The following WWOX variants were observed in gnomAD, a reference collection of about 807,000 sequenced individuals.
WWOX encodes WW domain containing oxidoreductase.
WWOX carries 69 observed loss-of-function variants against 46.2 expected under a neutral mutation model. The observed-to-expected ratio is 1.49, with a 90% CI of 1.23 to 1.82. The LOEUF (loss-of-function observed/expected upper bound fraction) is 1.82. Ranked by LOEUF, WWOX falls within the 40% of genes most tolerant of loss-of-function variation. The pLI, the probability that WWOX is intolerant of heterozygous loss-of-function variation, is 0.00. For synonymous variants in WWOX, 359 were observed against 202.6 expected, an observed-to-expected ratio of 1.77 and a Z score of -6.56; for missense variants, 919 against 542.6, an observed-to-expected ratio of 1.69 and a Z score of -6.89.
intron 8 of WWOX, among the ~76,000 whole-genome samples, chr16:79,174,474 C>T (rs1177919511): frequency 2.6e-5 from 4 of 152,120 alleles, no homozygotes; most frequent in African/African-American, 4.8e-5. Flanking sequence ...CATAGTGAAA[C>T]CCCGTCTCTA....
rs148664229 is a variant in WWOX at position 78,928,105 on chromosome 16, G to T, written c.1057-283503G>T. Among the ~76,000 whole-genome samples the T allele has an allele frequency of 1.3e-5, 2 of 151,758 alleles. 1 individual carries two copies. Among genetic ancestry groups the T allele is most frequent in the South Asian group, 4.2e-4 (2 of 4,818 alleles). On this transcript the variant is annotated intron_variant, in intron 8 of 8. Coordinates refer to ENST00000566780, the MANE Select transcript of WWOX (RefSeq NM_016373.4). The stretch of plus-strand genomic sequence containing the variant: ...CCTGGACTTCAAAAGCCTTTTGTCC[G>T]TATGTATTTACATAATGTATTCTCC...
At chr16:79,030,951 G>T (rs2047740442) in intron 8 of WWOX, among the ~76,000 whole-genome samples, 1 of 151,952 alleles carries the variant, frequency 6.6e-6, no homozygotes, top group South Asian at 2.1e-4. Context: ...AATTGGCTGG[G>T]TATGGTGGCA....
At chr16:78,281,417 T>A (rs1241141698) in intron 5 of WWOX, among the ~76,000 whole-genome samples, 1 of 152,180 alleles carries the variant, frequency 6.6e-6, no homozygotes. Flanking sequence ...TTTTAGTAGA[T>A]CAGGAGTTTC....
chr16:78,545,491 G>T (rs750019514), intron 8 of WWOX, among the ~76,000 whole-genome samples: 7 of 152,134 alleles, frequency 4.6e-5, no homozygotes, highest in Non-Finnish European at 8.8e-5. Context: ...TAGCTGGGAC[G>T]ACAGGTGCCT....
intron 5 of WWOX, among the ~76,000 whole-genome samples, chr16:78,364,655 G>GATCTTT (rs74276285): frequency 0.17 from 23,377 of 141,028 alleles, 2,418 homozygotes; most frequent in African/African-American, 0.37. Context: ...GTTTGTGGGT[G>GATCTTT]CTCTTTCTCT....
intron 8 of WWOX, among the ~76,000 whole-genome samples, chr16:78,689,968 C>A (rs928378325): frequency 1.3e-5 from 2 of 152,060 alleles, no homozygotes; most frequent in African/African-American, 4.8e-5. Flanking sequence ...TCAAATGATT[C>A]TCCTACCTCA....
At chr16:78,654,898 TG>T (rs2047047500) in intron 8 of WWOX, among the ~76,000 whole-genome samples, 1 of 152,152 alleles carries the variant, frequency 6.6e-6, no homozygotes, top group Non-Finnish European at 1.5e-5. Flanking sequence ...GATGCATATG[TG>T]TATGTGTGTG....
At chr16:78,540,240 GAA>G (rs543785112) in intron 8 of WWOX, among the ~76,000 whole-genome samples, 40 of 136,706 alleles carry the variant, frequency 2.9e-4, no homozygotes, top group African/African-American at 9.7e-4. Context: ...AGGAGCAACA[GAA>G]AAAAAAAAAA....
intron 6 of WWOX, among the ~76,000 whole-genome samples, chr16:78,408,094 C>T (rs1466379485): frequency 6.6e-6 from 1 of 152,128 alleles, no homozygotes; most frequent in African/African-American, 2.4e-5. Context: ...GAGCCGGTCC[C>T]TGTTGAAACC....
Position 78,614,605 on chromosome 16 carries a change from G to C in WWOX, c.1056+181853G>C, listed in dbSNP as rs535445647. Among the ~76,000 whole-genome samples the C allele has an allele frequency of 7.9e-4, 121 of 152,282 alleles. 2 individuals are homozygous for C. The South Asian group carries it at 0.025, about 31-fold the overall frequency. On this transcript the variant is annotated intron_variant, in intron 8 of 8. Transcript: ENST00000566780. ...TTCAGGGGAATGTGTGGGTCTTTGA[G>C]CTAGAGAGACATAGGTGTATGGCAG...
At chr16:78,363,702 A>G (rs756105964) in intron 5 of WWOX, among the ~76,000 whole-genome samples, 10 of 152,102 alleles carry the variant, frequency 6.6e-5, no homozygotes, top group African/African-American at 2.4e-4. Flanking sequence ...ACCTTCCTAT[A>G]TTTGCCAACC....
intron 8 of WWOX, among the ~76,000 whole-genome samples, chr16:78,993,773 G>A (rs1432505289): frequency 6.6e-6 from 1 of 152,236 alleles, no homozygotes; most frequent in African/African-American, 2.4e-5. Context: ...CATGGCCTGA[G>A]TCCGGGGGTG....
intron 8 of WWOX, among the ~76,000 whole-genome samples, chr16:79,189,795 TG>T (rs1274458749): frequency 6.6e-6 from 1 of 150,994 alleles, no homozygotes; most frequent in African/African-American, 2.4e-5. Context: ...CTGCTCCCGG[TG>T]GGAGGGGGGG....
chr16:78,952,021 A>C (rs2046070474), intron 8 of WWOX, among the ~76,000 whole-genome samples: 1 of 152,120 alleles, frequency 6.6e-6, no homozygotes, highest in Non-Finnish European at 1.5e-5. Context: ...AAACCACAGC[A>C]ATGATTTTAT....
chr16:78,798,086 G>A (rs922984799), intron 8 of WWOX, among the ~76,000 whole-genome samples: 2 of 152,184 alleles, frequency 1.3e-5, no homozygotes, highest in Admixed American at 6.5e-5. Context: ...GGAAGCTGAG[G>A]TTCAGAGAGA....
intron 8 of WWOX, among the ~76,000 whole-genome samples, chr16:78,456,037 G>A (rs568067990): frequency 2.4e-4 from 36 of 152,254 alleles, no homozygotes; most frequent in South Asian, 6.2e-4. Flanking sequence ...TGTTACTACC[G>A]AAGGAGCTTA....
chr16:78,142,319 G>T (rs1253938399), intron 4 of WWOX, among the ~76,000 whole-genome samples: 1 of 152,168 alleles, frequency 6.6e-6, no homozygotes, highest in Non-Finnish European at 1.5e-5. Flanking sequence ...AAAAACTAAT[G>T]TTGGTTTACT....
intron 6 of WWOX, among the ~76,000 whole-genome samples, chr16:78,406,356 T>A (rs1312096117): frequency 1.2e-3 from 119 of 96,164 alleles, no homozygotes; most frequent in Admixed American, 4.5e-3. Context: ...ATATATATAT[T>A]TTATTATTTT....
intron 6 of WWOX, among the ~76,000 whole-genome samples, chr16:78,395,571 A>T (rs2151940472): frequency 6.6e-6 from 1 of 152,108 alleles, no homozygotes; most frequent in East Asian, 1.9e-4. Flanking sequence ...AAGAAAGGAA[A>T]ATTGGGCCCA....
Sources: gnomAD v4.1 joint callset for allele counts (sites outside exome capture counted in the v4.1 genomes callset) on GRCh38, gnomAD v4.1.1 for gene constraint, MANE v1.5 for transcripts, NCBI Gene and HGNC (gene_info 2026-07-23, HGNC 2026-07-21) for gene names.